Variants in ATAD2B observed in about 807,000 individuals in gnomAD.
The protein encoded by ATAD2B is ATPase family AAA domain containing 2B.
In ATAD2B, 40 loss-of-function variants were observed where a neutral mutation model predicts 167.6. That is an observed-to-expected ratio of 0.24 (90% CI 0.19 to 0.31). The LOEUF is 0.31. Ranked by LOEUF, ATAD2B falls within the 10% of genes least tolerant of loss-of-function variation. ATAD2B has a pLI of 1.00. For synonymous variants in ATAD2B, 579 were observed against 596.5 expected (o/e 0.97, Z 0.43); for missense variants, 1,242 against 1,757.2 (o/e 0.71, Z 5.24).
intron 24 of ATAD2B, among the ~76,000 whole-genome samples, chr2:23,760,985 C>T (rs1431110375): frequency 6.6e-6 from 1 of 152,128 alleles, no homozygotes; most frequent in Non-Finnish European, 1.5e-5. Flanking sequence ...AAACAAAACT[C>T]ATATTTGTAG....
At chr2:23,803,323 C>T (rs867383875) in intron 18 of ATAD2B, among the ~76,000 whole-genome samples, 1 of 150,492 alleles carries the variant, frequency 6.6e-6, no homozygotes, top group Non-Finnish European at 1.5e-5. Context: ...TACACACACA[C>T]ACACACACAC....
intron 10 of ATAD2B, among the ~76,000 whole-genome samples, chr2:23,867,005 A>AT (rs1226638067): frequency 1.3e-5 from 2 of 151,992 alleles, no homozygotes; most frequent in African/African-American, 2.4e-5. Flanking sequence ...TCGATCATCT[A>AT]TTTTCCAAAG....
intron 22 of ATAD2B, among the ~76,000 whole-genome samples, chr2:23,776,779 T>C (rs1679203231): frequency 6.6e-6 from 1 of 152,218 alleles, no homozygotes; most frequent in Admixed American, 6.5e-5. Context: ...ACCTCTATGG[T>C]ATCCCTTTAT....
intron 12 of ATAD2B, among the ~76,000 whole-genome samples, chr2:23,862,221 C>T (rs906994214): frequency 5.3e-5 from 8 of 151,750 alleles, no homozygotes; most frequent in African/African-American, 1.7e-4. Flanking sequence ...TTGTGAAGTA[C>T]TTTACCAATT....
chr2:23,892,901 A>G (rs931763525), intron 2 of ATAD2B, among the ~76,000 whole-genome samples: 2 of 152,232 alleles, frequency 1.3e-5, no homozygotes, highest in African/African-American at 4.8e-5. Context: ...AAAGTCAATA[A>G]AATAGCATCT....
intron 8 of ATAD2B, among the ~76,000 whole-genome samples, chr2:23,873,930 G>C (rs1235291075): frequency 4.7e-4 from 71 of 151,992 alleles, no homozygotes; most frequent in African/African-American, 4.8e-5. Flanking sequence ...CTCATGCCTG[G>C]AATCCCAGCA....
the ATAD2B span, chr2:23,695,609 C>CTTACTGTA: frequency 2.2e-5 from 34 of 1,541,112 alleles, no homozygotes; most frequent in Non-Finnish European, 2.6e-5. The surrounding 1 kb of genome is among the most constrained non-coding windows in gnomAD (Gnocchi z 7.6). Context: ...GATTCTGTCT[C>CTTACTGTA]CTGTACCCTG....
At chr2:23,877,575 G>A (rs1241849254) in intron 7 of ATAD2B, among the ~76,000 whole-genome samples, 2 of 125,548 alleles carry the variant, frequency 1.6e-5, no homozygotes, top group Middle Eastern at 3.8e-3. Flanking sequence ...GGGGAGGGGA[G>A]GGAAGGAAGG....
chr2:23,804,444 C>A (rs1684007151), intron 18 of ATAD2B, among the ~76,000 whole-genome samples: 1 of 152,010 alleles, frequency 6.6e-6, no homozygotes, highest in Non-Finnish European at 1.5e-5. Context: ...AACCCAGAAG[C>A]TCTTAGGTAT....
chr2:23,913,938 G>GT (rs1351419398), intron 1 of ATAD2B, among the ~76,000 whole-genome samples: 1 of 152,086 alleles, frequency 6.6e-6, no homozygotes, highest in Non-Finnish European at 1.5e-5. Context: ...GGGCACTCAA[G>GT]CCTGGGTGAC....
At chr2:23,682,728 T>C in the ATAD2B span, among the ~76,000 whole-genome samples, 3 of 151,742 alleles carry the variant, frequency 2.0e-5, no homozygotes, top group Admixed American at 6.5e-5. This position sits in a 1 kb window ranked among gnomAD's most constrained non-coding sequence, Gnocchi z 4.1. Context: ...TCTGAGCCTG[T>C]TGGTCTCTGT....
intron 13 of ATAD2B, among the ~76,000 whole-genome samples, chr2:23,852,053 T>A (rs1388576164): frequency 1.3e-5 from 2 of 152,114 alleles, no homozygotes; most frequent in African/African-American, 4.8e-5. Context: ...TTAGGTGAAA[T>A]GAACAAATTC....
At chr2:23,696,182 G>A in the ATAD2B span, 1 of 1,526,490 alleles carries the variant, frequency 6.6e-7, no homozygotes, top group South Asian at 1.2e-5. The surrounding 1 kb of genome is among the most constrained non-coding windows in gnomAD (Gnocchi z 5.5). Context: ...GGTCCCAAGG[G>A]GACTGCTCCC....
At chr2:23,683,236 G>A in the ATAD2B span, among the ~76,000 whole-genome samples, 44 of 152,260 alleles carry the variant, frequency 2.9e-4, no homozygotes, top group Non-Finnish European at 5.1e-4. Flanking sequence ...GGGCTGGAGA[G>A]CAGGGCTCAG....
chr2:23,743,626 T>C, the ATAD2B span, among the ~76,000 whole-genome samples: 1 of 151,642 alleles, frequency 6.6e-6, no homozygotes, highest in East Asian at 1.9e-4. Context: ...ACAAACTAGT[T>C]TTTAAAATTG....
chr2:23,898,063 G>A (rs946979349), intron 1 of ATAD2B, among the ~76,000 whole-genome samples: 16 of 152,102 alleles, frequency 1.1e-4, no homozygotes, highest in African/African-American at 3.9e-4. Context: ...TCTAGCTTCA[G>A]CCTCCCAAGT....
At chr2:23,897,340 C>T (rs1700274715) in intron 1 of ATAD2B, among the ~76,000 whole-genome samples, 1 of 152,160 alleles carries the variant, frequency 6.6e-6, no homozygotes, top group Non-Finnish European at 1.5e-5. Flanking sequence ...TGTAAAGTAA[C>T]TATGTTTTCC....
At chr2:23,730,831 G>C in the ATAD2B span, among the ~76,000 whole-genome samples, 1 of 151,284 alleles carries the variant, frequency 6.6e-6, no homozygotes, top group Non-Finnish European at 1.5e-5. Flanking sequence ...AAGAATCTAA[G>C]CACAAAGCAA....
the ATAD2B span, among the ~76,000 whole-genome samples, chr2:23,699,505 T>C: frequency 5.9e-5 from 9 of 152,146 alleles, no homozygotes. Context: ...AAGCAAGACC[T>C]CAAACATCCC....
Sources: gnomAD v4.1 joint callset for allele counts (sites outside exome capture counted in the v4.1 genomes callset) on GRCh38, gnomAD v4.1.1 for gene constraint, Gnocchi (gnomAD v3.1) non-coding constraint, MANE v1.5 for transcripts, NCBI Gene and HGNC (gene_info 2026-07-23, HGNC 2026-07-21) for gene names.